The following CERS3 variants were observed in gnomAD, a reference collection of about 807,000 sequenced individuals.
CERS3 encodes the protein ceramide synthase 3.
CERS3 carries 33 observed loss-of-function variants against 50.3 expected under a neutral mutation model. The ratio of observed to expected loss-of-function variants is 0.66; its 90% confidence interval spans 0.50 to 0.88. The LOEUF (loss-of-function observed/expected upper bound fraction) is 0.88, where lower values mean the gene tolerates loss of function less well. CERS3 is among the 40% of genes least tolerant of loss of function. The probability of loss-of-function intolerance (pLI) is 0.00; values close to 1 mark genes in which losing one functional copy is unlikely to be tolerated. For synonymous variants in CERS3, 176 were observed against 155.2 expected, an observed-to-expected ratio of 1.13 and a Z score of -0.99; for missense variants, 470 against 460.3, an observed-to-expected ratio of 1.02 and a Z score of -0.19.
chr15:100,481,263 T>C (rs559339646), intron 5 of CERS3, among the ~76,000 whole-genome samples: 18 of 152,246 alleles, frequency 1.2e-4, no homozygotes, highest in Non-Finnish European at 2.5e-4. Context: ...GAGTGTTTCC[T>C]GAACATTATC....
Position 100,412,570 on chromosome 15 carries a change from C to T in CERS3, c.1000-9705G>A, listed in dbSNP as rs534641564. Among the ~76,000 whole-genome samples the T allele has an allele frequency of 1.9e-3, 283 of 152,218 alleles. 1 individual carries two copies. The highest frequency in any genetic ancestry group is 3.5e-3 in the Non-Finnish European group (237 of 68,010). On this transcript the variant is annotated intron_variant, in intron 11 of 11. Transcript: ENST00000679737. Reference sequence around the variant, plus strand: ...TCCTGTGAAGTTTGAATCCAAGTTGCTTAAAACATGACCTTAAGATCAGTT... The same window carrying T: ...TCCTGTGAAGTTTGAATCCAAGTTGTTTAAAACATGACCTTAAGATCAGTT...
At chr15:100,543,542 T>A (rs2037254790) in intron 1 of CERS3, among the ~76,000 whole-genome samples, 1 of 151,686 alleles carries the variant, frequency 6.6e-6, no homozygotes, top group Non-Finnish European at 1.5e-5. Context: ...TCTTTTTTTT[T>A]TTTTTATTAG....
intron 3 of CERS3, among the ~76,000 whole-genome samples, chr15:100,499,136 A>T (rs1429920303): frequency 1.3e-5 from 2 of 152,202 alleles, no homozygotes; most frequent in East Asian, 3.8e-4. Context: ...TAATTAAGTA[A>T]CAACAATAAT....
In CERS3 at chr15:100,430,267, A is replaced by C. The variant is rs190502703; in HGVS notation, c.999+25626T>G. On this transcript the variant is annotated intron_variant, in intron 11 of 11. Coordinates refer to ENST00000679737, the MANE Select transcript of CERS3 (RefSeq NM_001378789.1). Reference sequence around the variant, plus strand: ...GCGGAGCTTGCAGTGAGCCGAGATCACGCCACTGCACTCCAGCCTGGACGA... The same window carrying C: ...GCGGAGCTTGCAGTGAGCCGAGATCCCGCCACTGCACTCCAGCCTGGACGA... Among the ~76,000 whole-genome samples the C allele has an allele frequency of 7.5e-4, 114 of 151,892 alleles. 1 individual carries two copies. The highest frequency in any genetic ancestry group is 2.4e-3 in the African/African-American group (100 of 41,428).
intron 8 of CERS3, among the ~76,000 whole-genome samples, chr15:100,473,919 T>A (rs959796545): frequency 2.0e-5 from 3 of 152,188 alleles, no homozygotes; most frequent in Non-Finnish European, 4.4e-5. Context: ...ATAAAATGCA[T>A]CCATCCGTAC....
At chr15:100,525,557 C>A (rs1288623101) in intron 1 of CERS3, among the ~76,000 whole-genome samples, 1 of 152,134 alleles carries the variant, frequency 6.6e-6, no homozygotes, top group African/African-American at 2.4e-5. Flanking sequence ...AACTGAAGCC[C>A]ATTTACAATT....
chr15:100,438,341 G>T (rs562719397), intron 11 of CERS3, among the ~76,000 whole-genome samples: 1 of 151,900 alleles, frequency 6.6e-6, no homozygotes, highest in Non-Finnish European at 1.5e-5. Context: ...CACTGTGCCC[G>T]GCCTGTATTC....
intron 11 of CERS3, among the ~76,000 whole-genome samples, chr15:100,432,880 G>A (rs1220354680): frequency 6.6e-6 from 1 of 152,170 alleles, no homozygotes. Context: ...GCTCTGCGGA[G>A]CTCTCCATAA....
chr15:100,524,121 C>T (rs186582409), intron 1 of CERS3, among the ~76,000 whole-genome samples: 109 of 152,130 alleles, frequency 7.2e-4, no homozygotes, highest in Middle Eastern at 6.8e-3. Context: ...AATTTTCAGA[C>T]AGTATTGAGA....
upstream of CERS3, among the ~76,000 whole-genome samples, chr15:100,531,536 G>A (rs1318302696): frequency 6.6e-6 from 1 of 152,208 alleles, no homozygotes; most frequent in African/African-American, 2.4e-5. Context: ...GCAGGAAATA[G>A]GCTGTGTGTG....
intron 11 of CERS3, among the ~76,000 whole-genome samples, chr15:100,410,428 A>G (rs1298224598): frequency 6.6e-6 from 1 of 152,196 alleles, no homozygotes; most frequent in African/African-American, 2.4e-5. Context: ...TTGAGAACAT[A>G]CAACACACCA....
Position 100,491,430 on chromosome 15 carries a change from T to G in CERS3, c.174-499A>C, listed in dbSNP as rs372974400. Among the ~76,000 whole-genome samples the G allele has an allele frequency of 1.1e-4, 16 of 152,262 alleles. No individual in the cohort carries two copies. The South Asian group carries it at 2.7e-3, about 26-fold the overall frequency. On this transcript the variant is annotated intron_variant, in intron 3 of 11. Coordinates refer to ENST00000679737, the MANE Select transcript of CERS3 (RefSeq NM_001378789.1). ...AACTTTATAAAAAACTGGCAAGTTG[T>G]TTTCCAAAGTGACTGTACTATATTG...
rs73477708 is a variant in CERS3, at chr15:100,537,334, T to C, written c.-355+7317A>G. On this transcript the variant is annotated intron_variant, in intron 1 of 12. Coordinates refer to the CERS3 transcript ENST00000284382. ...GTTGTTCCAGAGGGCATTAGAGAAA[T>C]GTAGACCAAGCTTGAGATTGAAGTG... Among the ~76,000 whole-genome samples, 1,288 of 152,314 alleles carry C rather than the reference T, an allele frequency of 8.5e-3. 22 individuals carry two copies. Among genetic ancestry groups the C allele is most frequent in the African/African-American group, 0.029 (1,208 of 41,558 alleles).
intron 11 of CERS3, among the ~76,000 whole-genome samples, chr15:100,420,496 C>A (rs2032341861): frequency 6.6e-6 from 1 of 152,036 alleles, no homozygotes; most frequent in Non-Finnish European, 1.5e-5. Context: ...TGAATTCTAC[C>A]AGAGGTACAA....
At chr15:100,496,323 T>C (rs1411534103) in intron 3 of CERS3, among the ~76,000 whole-genome samples, 2 of 152,102 alleles carry the variant, frequency 1.3e-5, no homozygotes, top group African/African-American at 4.8e-5. Context: ...AGTTATAGTA[T>C]ATATGTATGT....
intron 10 of CERS3, among the ~76,000 whole-genome samples, chr15:100,466,812 C>CCTCCCTCT (rs1555528050): frequency 6.2e-5 from 1 of 16,208 alleles, no homozygotes; most frequent in African/African-American, 1.3e-4. Flanking sequence ...TCCCTCCCTC[C>CCTCCCTCT]CTCCCTCTCT....
At chr15:100,454,387 CAAAAAAAA>C (rs59536958) in intron 11 of CERS3, among the ~76,000 whole-genome samples, 1 of 111,472 alleles carries the variant, frequency 9.0e-6, no homozygotes, top group South Asian at 3.4e-4. Flanking sequence ...AAGGCATTGT[CAAAAAAAA>C]AAAAAAAAGA....
chr15:100,511,149 C>G (rs2898822), intron 2 of CERS3, among the ~76,000 whole-genome samples: 1 of 152,050 alleles, frequency 6.6e-6, no homozygotes, highest in African/African-American at 2.4e-5. Flanking sequence ...ATTACCCGGG[C>G]GTGGTGGAAG....
intron 2 of CERS3, among the ~76,000 whole-genome samples, chr15:100,510,026 CAA>C (rs10693093): frequency 2.1e-5 from 3 of 144,972 alleles, no homozygotes; most frequent in Admixed American, 1.4e-4. Flanking sequence ...CAAACCCAGC[CAA>C]AAAAAAAAAA....
Sources: gnomAD v4.1 joint callset for allele counts (sites outside exome capture counted in the v4.1 genomes callset) on GRCh38, gnomAD v4.1.1 for gene constraint, MANE v1.5 for transcripts, NCBI Gene and HGNC (gene_info 2026-07-23, HGNC 2026-07-21) for gene names.